Variants in USP10 observed in about 807,000 individuals in gnomAD.
USP10 encodes ubiquitin specific peptidase 10, also known as ubiquitin carboxyl-terminal hydrolase 10.
USP10 carries 22 observed loss-of-function variants against 84.5 expected under a neutral mutation model. The observed-to-expected ratio is 0.26, with a 90% confidence interval of 0.19 to 0.37. The LOEUF is 0.37. Among genes scored for constraint, USP10 ranks in the 10% least tolerant of loss-of-function variants. The probability of loss-of-function intolerance (pLI) is 1.00; values close to 1 mark genes in which losing one functional copy is unlikely to be tolerated. For missense variants in USP10, 1,019 were observed against 998.9 expected (o/e 1.02, Z -0.27); for synonymous variants, 454 against 387.6 (o/e 1.17, Z -2.01).
rs752334811 is a variant in USP10 at position 84,744,704 on chromosome 16, C to G, written c.223C>G (p.Pro75Ala). 2.5e-6 allele frequency: 4 copies of G among 1,613,474 alleles called. No individual in the cohort carries two copies. The African/African-American group carries it at 5.3e-5, about 22-fold the overall frequency. The part of the protein sequence containing the change: ...IEPSDTLPRT[P>A]SYSISSTLNP... ...ACCCAGTGACACTTTGCCGAGAACC[C>G]CCAGCTACAGTATTTCAAGCACACT... The change falls in exon 4 of 14, where the codon CCC (proline) becomes GCC (alanine). Residue 75 changes from proline (P) to alanine (A), a missense_variant. By Grantham distance (27) the Pro-to-Ala change is conservative. Around this residue, in one of 2 missense-constraint regions of USP10, gnomAD observed 787 missense variants for 708.8 expected, o/e 1.11. Coordinates refer to ENST00000219473, the MANE Select transcript of USP10 (RefSeq NM_005153.3).
chr16:84,735,129 CAG>C (rs1491342960), intron 2 of USP10, among the ~76,000 whole-genome samples: 2 of 151,780 alleles, frequency 1.3e-5, no homozygotes, highest in African/African-American at 2.4e-5. Context: ...CGCCCCGCCT[CAG>C]GGGGGTTCTC....
At chr16:84,708,138 G>A (rs750437032) in intron 1 of USP10, among the ~76,000 whole-genome samples, 9 of 151,684 alleles carry the variant, frequency 5.9e-5, no homozygotes, top group Middle Eastern at 3.5e-3. Flanking sequence ...TAGTCATGCT[G>A]TCCGGTGTTC....
At chr16:84,758,912 T>G (rs1207441531) in intron 5 of USP10, 105 bp downstream of exon 5, 6 of 808,964 alleles carry the variant, frequency 7.4e-6, no homozygotes, top group Non-Finnish European at 1.1e-5. Context: ...GCTCTCCATT[T>G]GAATCCCTAA....
intron 2 of USP10, among the ~76,000 whole-genome samples, chr16:84,737,885 C>T (rs1272760772): frequency 2.0e-5 from 3 of 152,220 alleles, no homozygotes; most frequent in Admixed American, 1.3e-4. Context: ...CCAGCCTCTC[C>T]ACCCTCAGTC....
chr16:84,730,173 A>G (rs1197896444), intron 1 of USP10, among the ~76,000 whole-genome samples: 1 of 152,206 alleles, frequency 6.6e-6, no homozygotes, highest in Non-Finnish European at 1.5e-5. Context: ...GTGAAGGGCC[A>G]CATTTTTTCT....
chr16:84,728,044 CTT>C (rs1170478975), intron 1 of USP10, among the ~76,000 whole-genome samples: 2 of 152,150 alleles, frequency 1.3e-5, no homozygotes, highest in East Asian at 1.9e-4. Context: ...AGGATATTGA[CTT>C]TTTTGAACAG....
intron 11 of USP10, 67 bp downstream of exon 11, chr16:84,768,425 T>C (rs1371143857): frequency 1.4e-6 from 2 of 1,409,778 alleles, no homozygotes; most frequent in East Asian, 5.0e-5. Context: ...GAACACAAAA[T>C]TAGGAATGAG....
At chr16:84,704,283 A>G (rs1434587566) in intron 1 of USP10, among the ~76,000 whole-genome samples, 2 of 152,248 alleles carry the variant, frequency 1.3e-5, no homozygotes, top group African/African-American at 4.8e-5. Flanking sequence ...TACTGGTACT[A>G]TACCAAAATA....
rs1909756775 is a variant in USP10, at chr16:84,735,208, TG to T, written c.90+1706del. On this transcript the variant is annotated intron_variant, in intron 2 of 13. Coordinates refer to ENST00000219473, the MANE Select transcript of USP10 (RefSeq NM_005153.3). ...GCCAGGCCCGGGTGGTGTGTGTGTG[TG>T]TGTGTGTGTGTGTGTGTGTGTGTGT... Among the ~76,000 whole-genome samples the T allele has an allele frequency of 5.3e-4, 33 of 62,374 alleles. No individual in the cohort carries two copies. In the East Asian group the frequency reaches 0.015, roughly 27 times the overall value. The allele number at this position is 62,374 out of a possible 152,430, so 40.9% of individuals were successfully genotyped here. A position where few individuals can be genotyped will look rare whatever the true frequency, so the allele number is the denominator to read the frequency against.
chr16:84,757,396 GGTGGGGGTGTGTGTGTGTGTGTGTGT>G (rs1912686034), intron 4 of USP10, among the ~76,000 whole-genome samples: 1 of 127,364 alleles, frequency 7.9e-6, no homozygotes, highest in Non-Finnish European at 1.6e-5. Flanking sequence ...GAATGAGAGG[GGTGGGGGTGTGTGTGTGTGTGTGTGT>G]GTGTGTGTGT....
intron 1 of USP10, among the ~76,000 whole-genome samples, chr16:84,731,104 T>TGAGTAGCTG (rs1909166248): frequency 6.6e-6 from 1 of 150,414 alleles, no homozygotes; most frequent in Non-Finnish European, 1.5e-5. Flanking sequence ...ATCAGCCTCC[T>TGAGTAGCTG]GAGTAGCTGG....
intron 12 of USP10, 125 bp from the exon 13 acceptor site, chr16:84,775,035 T>C (rs1914852205): frequency 1.3e-6 from 1 of 783,496 alleles, no homozygotes; most frequent in African/African-American, 1.7e-5. Flanking sequence ...AGGGATAGAG[T>C]GTTGTTTTGT....
chr16:84,773,523 G>A (rs1323382644), intron 12 of USP10, among the ~76,000 whole-genome samples: 3 of 152,156 alleles, frequency 2.0e-5, no homozygotes, highest in Non-Finnish European at 2.9e-5. Flanking sequence ...CCCTAGGGGC[G>A]CCCTATACCT....
rs1029848969 is a variant in USP10, at chr16:84,724,832, A to G, written c.22-8603A>G. ...TAAATTGGCGAACTTCCTGGTGTGC[A>G]TTCACTAGTTGATGATAGTGTCATC... is the stretch of plus-strand genomic sequence containing the variant. On this transcript the variant is annotated intron_variant, in intron 1 of 13. Transcript: ENST00000219473. Among the ~76,000 whole-genome samples the G allele has an allele frequency of 3.3e-5, 5 of 152,298 alleles. No individual in the cohort carries two copies. In the East Asian group the frequency reaches 7.7e-4, roughly 24 times the overall value.
intron 11 of USP10, among the ~76,000 whole-genome samples, chr16:84,771,683 A>G (rs903798071): frequency 1.3e-5 from 2 of 152,160 alleles, no homozygotes; most frequent in Non-Finnish European, 2.9e-5. Context: ...AGCCTGGCCA[A>G]CATGGTGAAA....
intron 2 of USP10, among the ~76,000 whole-genome samples, chr16:84,739,947 A>G (rs1318580867): frequency 6.6e-6 from 1 of 152,244 alleles, no homozygotes; most frequent in Admixed American, 6.5e-5. Flanking sequence ...CTAGTGCACA[A>G]ACAAAAGTGT....
chr16:84,754,525 C>G (rs976304855), intron 4 of USP10, among the ~76,000 whole-genome samples: 6 of 152,170 alleles, frequency 3.9e-5, no homozygotes, highest in African/African-American at 1.4e-4. Context: ...TGCTCGTTCG[C>G]TTTTGTAGGT....
chr16:84,757,395 GGGTGGGGGTGTGTGT>G (rs901919089), intron 4 of USP10, among the ~76,000 whole-genome samples: 14 of 82,598 alleles, frequency 1.7e-4, no homozygotes, highest in East Asian at 5.6e-4. Context: ...GGAATGAGAG[GGGTGGGGGTGTGTGT>G]GTGTGTGTGT....
At chr16:84,775,542 C>T (rs1030491465) in intron 13 of USP10, among the ~76,000 whole-genome samples, 1 of 152,234 alleles carries the variant, frequency 6.6e-6, no homozygotes, top group South Asian at 2.1e-4. Context: ...GTGCTTGTGG[C>T]ACCTGTGGGT....
Sources: gnomAD v4.1 joint callset for allele counts (sites outside exome capture counted in the v4.1 genomes callset) on GRCh38, gnomAD v4.1.1 for gene constraint, gnomAD v4.1.1 regional missense constraint, MANE v1.5 for transcripts, NCBI Gene and HGNC (gene_info 2026-07-23, HGNC 2026-07-21) for gene names.